SMYD3: variants seen among roughly 807,000 people sequenced by gnomAD.
SMYD3 encodes the protein SET and MYND domain containing 3, also known as histone-lysine N-methyltransferase SMYD3.
SMYD3 carries 36 observed loss-of-function variants against 57.7 expected under a neutral mutation model. The observed-to-expected ratio is 0.62, with a 90% confidence interval of 0.48 to 0.82. The LOEUF (loss-of-function observed/expected upper bound fraction) is 0.82, where lower values mean the gene tolerates loss of function less well. Ranked by LOEUF, SMYD3 falls within the 40% of genes least tolerant of loss-of-function variation. The pLI is 0.00. For synonymous variants in SMYD3, 211 were observed against 195.0 expected, an observed-to-expected ratio of 1.08 and a Z score of -0.68; for missense variants, 515 against 538.8, an observed-to-expected ratio of 0.96 and a Z score of 0.44.
intron 5 of SMYD3, among the ~76,000 whole-genome samples, chr1:246,016,237 TAAA>T (rs539956616): frequency 2.3e-5 from 3 of 132,410 alleles, no homozygotes; most frequent in Admixed American, 7.8e-5. Flanking sequence ...CCCCATCACT[TAAA>T]AAAAAAAAAA....
At chr1:245,940,599 A>C (rs1229805877) in intron 5 of SMYD3, among the ~76,000 whole-genome samples, 1 of 152,094 alleles carries the variant, frequency 6.6e-6, no homozygotes, top group Non-Finnish European at 1.5e-5. Context: ...AAAAAACAGA[A>C]AGCACCACTA....
At chr1:246,285,953 C>T (rs566657480) in intron 5 of SMYD3, among the ~76,000 whole-genome samples, 29 of 152,128 alleles carry the variant, frequency 1.9e-4, no homozygotes, top group African/African-American at 6.5e-4. Flanking sequence ...ACCTTTCTCC[C>T]GCAAGAATGG....
intron 5 of SMYD3, among the ~76,000 whole-genome samples, chr1:246,172,103 C>CGTGAATGAGCGAGTGGCAG (rs2062345782): frequency 1.3e-5 from 2 of 152,192 alleles, no homozygotes; most frequent in Admixed American, 1.3e-4. Flanking sequence ...AGTTGCTCTC[C>CGTGAATGAGCGAGTGGCAG]GTGAATGAGC....
chr1:246,191,784 T>C (rs945161203), intron 5 of SMYD3, among the ~76,000 whole-genome samples: 1 of 152,180 alleles, frequency 6.6e-6, no homozygotes, highest in Admixed American at 6.5e-5. Flanking sequence ...TCTCACTGGA[T>C]TCTCGAAGAA....
intron 5 of SMYD3, among the ~76,000 whole-genome samples, chr1:246,174,499 T>C (rs1227100592): frequency 6.6e-6 from 1 of 152,184 alleles, no homozygotes; most frequent in East Asian, 1.9e-4. Flanking sequence ...CAGGTTGGAG[T>C]GCAGTGGCAC....
At chr1:246,441,578 C>T (rs1258031772) in intron 1 of SMYD3, among the ~76,000 whole-genome samples, 1 of 152,128 alleles carries the variant, frequency 6.6e-6, no homozygotes, top group Non-Finnish European at 1.5e-5. Flanking sequence ...GCCTCACTGA[C>T]ATTTTAGGGG....
chr1:245,799,539 G>T (rs1234938135), intron 10 of SMYD3, among the ~76,000 whole-genome samples: 1 of 147,356 alleles, frequency 6.8e-6, no homozygotes, highest in Non-Finnish European at 1.5e-5. Flanking sequence ...AGTAAATTTA[G>T]TTACTCTGAA....
chr1:246,327,062 C>G (rs2065365041), intron 5 of SMYD3, 139 bp downstream of exon 5: 1 of 967,274 alleles, frequency 1.0e-6, no homozygotes, highest in Admixed American at 2.1e-5. Context: ...ATGCTCTACT[C>G]ACTATGATAA....
chr1:246,376,589 T>TAA lies in SMYD3; in HGVS notation c.165-21497_165-21496dup, dbSNP rs55996523. On this transcript the variant is annotated intron_variant, in intron 1 of 11. Coordinates refer to ENST00000490107, the MANE Select transcript of SMYD3 (RefSeq NM_001167740.2). Reference sequence around the variant, plus strand: ...CTGGGCAACAGTGCGACACTCCATCTAAAAAAAAAAAAAAAAAAAAACTAA... The same window carrying TAA: ...CTGGGCAACAGTGCGACACTCCATCTAAAAAAAAAAAAAAAAAAAAAAACTAA... Among the ~76,000 whole-genome samples the TAA allele has an allele frequency of 6.6e-3, 561 of 85,132 alleles. 9 individuals are homozygous for TAA. Among genetic ancestry groups the TAA allele is most frequent in the Non-Finnish European group, 6.4e-3 (294 of 46,092 alleles). The allele number at this position is 85,132 out of a possible 152,430, so 55.8% of individuals were successfully genotyped here.
intron 1 of SMYD3, among the ~76,000 whole-genome samples, chr1:246,377,351 T>C (rs1454446450): frequency 6.6e-6 from 1 of 150,694 alleles, no homozygotes; most frequent in Non-Finnish European, 1.5e-5. Flanking sequence ...ATAATAAGAA[T>C]AAAAAAGGCA....
chr1:246,216,896 G>C (rs1230702280), intron 5 of SMYD3, among the ~76,000 whole-genome samples: 1 of 152,084 alleles, frequency 6.6e-6, no homozygotes, highest in East Asian at 1.9e-4. Flanking sequence ...AGCACTGGAG[G>C]CTGTGTGTGG....
At chr1:245,826,851 A>T (rs1033238986) in intron 10 of SMYD3, among the ~76,000 whole-genome samples, 3 of 14,042 alleles carry the variant, frequency 2.1e-4, no homozygotes, top group Non-Finnish European at 5.6e-4. Flanking sequence ...TCAGATCTCA[A>T]GAGAACTCAC....
chr1:246,123,435 T>C (rs6663296), intron 5 of SMYD3, among the ~76,000 whole-genome samples: 12,242 of 151,894 alleles, frequency 0.081, 993 homozygotes, highest in African/African-American at 0.19. Context: ...GGCATGGTGG[T>C]GGGCACCTGT....
At chr1:245,822,756 G>A (rs558336220) in intron 10 of SMYD3, among the ~76,000 whole-genome samples, 21 of 152,174 alleles carry the variant, frequency 1.4e-4, no homozygotes, top group Admixed American at 2.6e-4. Context: ...CCCTTTCACT[G>A]GGCCCACTTT....
chr1:246,201,706 C>G (rs1352630975), intron 5 of SMYD3, among the ~76,000 whole-genome samples: 3 of 152,182 alleles, frequency 2.0e-5, no homozygotes, highest in Non-Finnish European at 4.4e-5. Flanking sequence ...TACAGGTCCA[C>G]TGGGTTTATT....
intron 5 of SMYD3, among the ~76,000 whole-genome samples, chr1:246,269,897 T>G (rs1007547854): frequency 1.3e-5 from 2 of 152,270 alleles, no homozygotes; most frequent in East Asian, 3.9e-4. Flanking sequence ...CTGAGTGACT[T>G]TGTACATGAG....
chr1:246,065,973 G>C (rs771804048), intron 5 of SMYD3, among the ~76,000 whole-genome samples: 31 of 151,620 alleles, frequency 2.0e-4, no homozygotes, highest in Admixed American at 1.6e-3. Flanking sequence ...ATCTGTTTTT[G>C]TTGTAAACTG....
intron 5 of SMYD3, among the ~76,000 whole-genome samples, chr1:246,274,387 C>T (rs967969442): frequency 6.6e-5 from 10 of 152,142 alleles, no homozygotes; most frequent in Non-Finnish European, 1.2e-4. Context: ...ATAGAAAGAA[C>T]ACAGTCATAT....
chr1:246,383,268 T>C (rs1308424796), intron 1 of SMYD3, among the ~76,000 whole-genome samples: 2 of 152,202 alleles, frequency 1.3e-5, no homozygotes, highest in Non-Finnish European at 2.9e-5. Context: ...GGGAATGCAT[T>C]TGAATGAGTG....
Sources: allele counts gnomAD v4.1 joint callset (sites outside exome capture counted in the v4.1 genomes callset), GRCh38; gene constraint gnomAD v4.1.1; transcripts MANE v1.5; gene names NCBI Gene and HGNC (gene_info 2026-07-23, HGNC 2026-07-21).